The following PPEF1 variants were observed in gnomAD, a reference collection of about 807,000 sequenced individuals.
PPEF1 encodes the protein serine/threonine-protein phosphatase with EF-hands 1.
A neutral mutation model predicts 53.3 loss-of-function variants in PPEF1; 12 were observed. The ratio of observed to expected loss-of-function variants is 0.23; its 90% CI spans 0.14 to 0.36. The LOEUF is 0.36. Ranked by LOEUF, PPEF1 falls within the 10% of genes least tolerant of loss-of-function variation. PPEF1 has a pLI of 1.00. For missense variants in PPEF1, 334 were observed against 490.4 expected (o/e 0.68, Z 3.01); for synonymous variants, 165 against 176.7 (o/e 0.93, Z 0.52).
chrX:18,776,724 C>G (rs913431129), intron 6 of PPEF1, among the ~76,000 whole-genome samples: 2 of 111,012 alleles, frequency 1.8e-5, no homozygotes, highest in Non-Finnish European at 3.8e-5. Context: ...AGTTCAAGAC[C>G]AGCCTGACCA....
In PPEF1 at chrX:18,722,068, T is replaced by A. The variant is rs1306936377; in HGVS notation, c.47-8113T>A. On this transcript the variant is annotated intron_variant, in intron 1 of 15. Transcript: ENST00000470157. ...GTGTCTGTCTCATGTTCACTGGGCA[T>A]GTGCTTTGAGCTGTTTTTCCAGTGA... is the stretch of plus-strand genomic sequence containing the variant. 4.5e-5 allele frequency among the ~76,000 whole-genome samples: 5 copies of A among 112,272 alleles called. No individual in the cohort carries two copies. In the Admixed American group the frequency reaches 4.7e-4, roughly 11 times the overall value.
chrX:18,755,516 G>A (rs1034681881), intron 4 of PPEF1, among the ~76,000 whole-genome samples: 2 of 112,202 alleles, frequency 1.8e-5, no homozygotes, highest in African/African-American at 6.5e-5. Context: ...ACAGTGAGCC[G>A]AGATCGTGCC....
In PPEF1 at chrX:18,752,513, T is replaced by C. The variant is rs777031157; in HGVS notation, c.396+2561T>C. 3.6e-5 allele frequency among the ~76,000 whole-genome samples: 4 copies of C among 111,356 alleles called. No individual in the cohort carries two copies. The South Asian group carries it at 1.5e-3, about 42-fold the overall frequency. On this transcript the variant is annotated intron_variant, in intron 4 of 15. Transcript: ENST00000470157. ...CTTTTTCTTGCTCAATTGCTCTGGCTAGAACTTCCACCACAATATTGAATA... is the reference window on the plus strand; with the variant it reads ...CTTTTTCTTGCTCAATTGCTCTGGCCAGAACTTCCACCACAATATTGAATA...
intron 10 of PPEF1, among the ~76,000 whole-genome samples, chrX:18,794,732 G>A (rs1189380262): frequency 8.9e-6 from 1 of 112,255 alleles, no homozygotes; most frequent in Non-Finnish European, 1.9e-5. Flanking sequence ...CTGTAACGCA[G>A]AGCTGAGGGG....
At chrX:18,681,220 G>A (rs891968497), upstream of PPEF1, among the ~76,000 whole-genome samples, 5 of 111,473 alleles carry the variant, frequency 4.5e-5, no homozygotes, top group South Asian at 3.8e-4. Context: ...CTCGTGATCC[G>A]CCCACCTTGG....
intron 6 of PPEF1, among the ~76,000 whole-genome samples, chrX:18,766,077 AAAAAAAAG>A (rs1264647746): frequency 9.3e-6 from 1 of 107,883 alleles, no homozygotes; most frequent in African/African-American, 3.4e-5. Flanking sequence ...AAAAAAAAAA[AAAAAAAAG>A]AAAAAAGAAA....
chrX:18,820,334 T>C (rs1486880748), intron 13 of PPEF1, among the ~76,000 whole-genome samples: 1 of 110,796 alleles, frequency 9.0e-6, no homozygotes, highest in African/African-American at 3.3e-5. Flanking sequence ...AGGGAGGTTT[T>C]AATACTCCTC....
At chrX:18,734,212 G>A (rs1444654712) in intron 3 of PPEF1, among the ~76,000 whole-genome samples, 1 of 108,591 alleles carries the variant, frequency 9.2e-6, no homozygotes, top group Non-Finnish European at 1.9e-5. Flanking sequence ...CATGTGCCAT[G>A]TTGGTGTGCT....
chrX:18,813,541 C>T (rs2147727697), intron 12 of PPEF1, among the ~76,000 whole-genome samples: 1 of 110,711 alleles, frequency 9.0e-6, no homozygotes, highest in Admixed American at 9.7e-5. Flanking sequence ...CAATCTGGAT[C>T]CCTTGTATTT....
At chrX:18,715,912 G>A (rs896931718) in intron 1 of PPEF1, among the ~76,000 whole-genome samples, 2 of 112,161 alleles carry the variant, frequency 1.8e-5, no homozygotes, top group Non-Finnish European at 3.8e-5. Context: ...TTATGTTAAT[G>A]GTATTTCAAT....
intron 1 of PPEF1, among the ~76,000 whole-genome samples, chrX:18,722,532 C>A (rs2044610864): frequency 1.8e-5 from 2 of 112,179 alleles, no homozygotes; most frequent in Non-Finnish European, 3.8e-5. Flanking sequence ...TATTTAAAAA[C>A]CAAAACCAAA....
intron 2 of PPEF1, among the ~76,000 whole-genome samples, chrX:18,731,561 G>A (rs1267156206): frequency 8.9e-6 from 1 of 111,817 alleles, no homozygotes; most frequent in Non-Finnish European, 1.9e-5. Context: ...GTATGCTTTA[G>A]ACACATTCCA....
chrX:18,817,413 C>T (rs1602487345), intron 12 of PPEF1, among the ~76,000 whole-genome samples: 1 of 110,401 alleles, frequency 9.1e-6, no homozygotes, highest in South Asian at 3.9e-4. Flanking sequence ...GCAATCTCAG[C>T]TCACTGCAAC....
rs138311928 is a variant in PPEF1 at position 18,749,945 on chromosome X, A to G, written c.389A>G (p.Glu130Gly). Residue 130 changes from glutamate (E) to glycine (G), a missense_variant, in exon 4 of 16, where the codon GAA becomes GGA. Glu to Gly is a moderately conservative substitution (Grantham distance 98, BLOSUM62 -2). Transcript: ENST00000470157. ...DIDLLLEAFK[E>G]QQILHAHYVL... ...GATTTACTTCTTGAGGCCTTCAAGG[A>G]ACAACAGGTAAGTGGAAGCAGATGC... 1.7e-6 allele frequency: 2 copies of G among 1,200,686 alleles called. No homozygotes were observed. Among genetic ancestry groups the G allele is most frequent in the Non-Finnish European group, 2.3e-6 (2 of 886,103 alleles).
intron 2 of PPEF1, chrX:18,686,024 A>T (rs942499797): frequency 5.7e-4 from 64 of 112,140 alleles, no homozygotes; most frequent in African/African-American, 2.0e-3. Flanking sequence ...ATGTGAACTT[A>T]TATGGTGCTG....
chrX:18,716,425 G>A (rs2044455976), intron 1 of PPEF1, among the ~76,000 whole-genome samples: 2 of 106,967 alleles, frequency 1.9e-5, no homozygotes, highest in Non-Finnish European at 3.9e-5. Context: ...CCAGCTCCTC[G>A]GGAGGCTGAG....
In PPEF1 at chrX:18,683,385, G is replaced by A. The variant is rs180760058; in HGVS notation, c.-638+384G>A. On this transcript the variant is annotated intron_variant, in intron 1 of 21. Transcript: ENST00000361511. ...GATATTGAGGAAAAGAGGAATATCCGTTCCTCTTTTCCTCAATAAGACAAG... is the reference window on the plus strand; with the variant it reads ...GATATTGAGGAAAAGAGGAATATCCATTCCTCTTTTCCTCAATAAGACAAG... Among the ~76,000 whole-genome samples the A allele has an allele frequency of 1.7e-3, 191 of 111,189 alleles. 3 individuals are homozygous for A. The highest frequency in any genetic ancestry group is 7.9e-4 in the Non-Finnish European group (42 of 52,906).
chrX:18,731,702 C>T (rs2147373461), intron 2 of PPEF1, among the ~76,000 whole-genome samples: 1 of 111,698 alleles, frequency 9.0e-6, no homozygotes, highest in Non-Finnish European at 1.9e-5. Context: ...TCCCCACAGT[C>T]AATTTTAGGA....
intron 3 of PPEF1, among the ~76,000 whole-genome samples, chrX:18,689,516 A>AT: frequency 9.4e-6 from 1 of 106,763 alleles, no homozygotes; most frequent in East Asian, 3.0e-4. Flanking sequence ...AATAAAAATA[A>AT]ATAAATAAAA....
Sources: gnomAD v4.1 joint callset for allele counts (sites outside exome capture counted in the v4.1 genomes callset) on GRCh38, gnomAD v4.1.1 for gene constraint, MANE v1.5 for transcripts, NCBI Gene and HGNC (gene_info 2026-07-23, HGNC 2026-07-21) for gene names.